The following PPM1E variants were observed in gnomAD, a reference collection of about 807,000 sequenced individuals.
The protein encoded by PPM1E is protein phosphatase 1E.
PPM1E carries 20 observed loss-of-function variants against 65.9 expected under a neutral mutation model. The observed-to-expected ratio is 0.30, with a 90% CI of 0.21 to 0.44. PPM1E has a LOEUF of 0.44. Among genes scored for constraint, PPM1E ranks in the 20% least tolerant of loss-of-function variants. The pLI, the probability that PPM1E is intolerant of heterozygous loss-of-function variation, is 1.00. For missense variants in PPM1E, 713 were observed against 953.1 expected, an observed-to-expected ratio of 0.75 and a Z score of 3.32; for synonymous variants, 352 against 374.9, an observed-to-expected ratio of 0.94 and a Z score of 0.70.
At chr17:58,969,428 A>G (rs1300900700) in intron 3 of PPM1E, 111 bp from the exon 4 acceptor site, 2 of 1,022,372 alleles carry the variant, frequency 2.0e-6, no homozygotes, top group Admixed American at 3.7e-5. Flanking sequence ...ATTATTCTGA[A>G]TGACAAATGC....
chr17:58,794,888 C>CTTTTTTT (rs35841208), intron 1 of PPM1E, among the ~76,000 whole-genome samples: 2 of 131,596 alleles, frequency 1.5e-5, no homozygotes, highest in Non-Finnish European at 3.3e-5. Context: ...GTACATGTGT[C>CTTTTTTT]TTTTTTTTTT....
At chr17:58,928,309 A>G (rs1332218226) in intron 1 of PPM1E, among the ~76,000 whole-genome samples, 3 of 152,108 alleles carry the variant, frequency 2.0e-5, no homozygotes, top group African/African-American at 7.2e-5. Flanking sequence ...GGAAAAATGT[A>G]CTAATCTAGC....
At chr17:58,972,088 CTA>C (rs1453643658) in intron 4 of PPM1E, 42 bp from the exon 5 acceptor site, 1 of 1,571,332 alleles carries the variant, frequency 6.4e-7, no homozygotes, top group Non-Finnish European at 8.7e-7. Context: ...AATGTAGTAT[CTA>C]TTTCTTTTCA....
At chr17:58,892,801 C>G (rs1384441376) in intron 1 of PPM1E, among the ~76,000 whole-genome samples, 1 of 151,996 alleles carries the variant, frequency 6.6e-6, no homozygotes, top group Non-Finnish European at 1.5e-5. Flanking sequence ...CACACTTTAC[C>G]AAAGAAGTAC....
intron 1 of PPM1E, among the ~76,000 whole-genome samples, chr17:58,951,874 T>C (rs2052244557): frequency 6.6e-6 from 1 of 152,178 alleles, no homozygotes; most frequent in Non-Finnish European, 1.5e-5. Flanking sequence ...TGGGGTTTGT[T>C]CCTGGAAAAT....
At chr17:58,964,628 CG>C (rs1346092496) in intron 2 of PPM1E, among the ~76,000 whole-genome samples, 1 of 152,086 alleles carries the variant, frequency 6.6e-6, no homozygotes, top group Non-Finnish European at 1.5e-5. Flanking sequence ...TAGGATCACA[CG>C]CATAGACAGA....
In PPM1E at chr17:58,982,890, TCA is replaced by T; in HGVS notation, c.*1860_*1861del. The stretch of plus-strand genomic sequence containing the variant: ...CTGAAGCCTAGATCTTGTTAACCCA[TCA>T]GGTGCAGTGTCAGTTTCAAATCAAA... On this transcript the variant is annotated 3_prime_UTR_variant, in exon 7 of 7. Transcript: ENST00000308249. The T allele has an allele frequency of 6.4e-7, 1 of 1,570,468 alleles. No individual in the cohort carries two copies. The highest frequency in any genetic ancestry group is 8.7e-7 in the Non-Finnish European group (1 of 1,155,590).
At chr17:58,884,231 T>C (rs1233672807) in intron 1 of PPM1E, among the ~76,000 whole-genome samples, 15 of 152,220 alleles carry the variant, frequency 9.9e-5, no homozygotes. Flanking sequence ...ATCCAATTTT[T>C]CTTATTTTAT....
intron 1 of PPM1E, among the ~76,000 whole-genome samples, chr17:58,878,561 A>G (rs1567861905): frequency 4.6e-5 from 7 of 150,952 alleles, no homozygotes; most frequent in Admixed American, 4.0e-4. Flanking sequence ...ATGATCATTT[A>G]AAAGCTAAGA....
chr17:58,834,208 G>A (rs868276230), intron 1 of PPM1E, among the ~76,000 whole-genome samples: 1 of 151,952 alleles, frequency 6.6e-6, no homozygotes, highest in Non-Finnish European at 1.5e-5. Context: ...AAATGGGATT[G>A]CATTGTTGAC....
At chr17:58,759,760 AG>A (rs1397160568) in intron 1 of PPM1E, among the ~76,000 whole-genome samples, 12 of 152,352 alleles carry the variant, frequency 7.9e-5, no homozygotes, top group African/African-American at 2.9e-4. Context: ...AGTAATAATG[AG>A]GGTGGACACT....
At chr17:58,808,853 T>A (rs1327165652) in intron 1 of PPM1E, among the ~76,000 whole-genome samples, 1 of 147,010 alleles carries the variant, frequency 6.8e-6, no homozygotes, top group African/African-American at 2.5e-5. Context: ...CCATGTAGTT[T>A]AAAAAAAAAA....
At chr17:58,931,107 C>T (rs2051891413) in intron 1 of PPM1E, among the ~76,000 whole-genome samples, 1 of 149,166 alleles carries the variant, frequency 6.7e-6, no homozygotes, top group Non-Finnish European at 1.5e-5. Flanking sequence ...AAGAAAAAAG[C>T]CGGGCGCGGT....
intron 1 of PPM1E, among the ~76,000 whole-genome samples, chr17:58,935,558 A>G (rs1421920881): frequency 1.3e-5 from 2 of 152,244 alleles, no homozygotes; most frequent in Non-Finnish European, 2.9e-5. Flanking sequence ...GAGCTGTTTC[A>G]GTAAAGATGT....
At chr17:58,828,124 C>T (rs1159796802) in intron 1 of PPM1E, among the ~76,000 whole-genome samples, 2 of 150,406 alleles carry the variant, frequency 1.3e-5, no homozygotes, top group Non-Finnish European at 3.0e-5. Context: ...GAGGCTGAGG[C>T]AGGAGAATCA....
At chr17:58,926,504 C>T (rs976729534) in intron 1 of PPM1E, among the ~76,000 whole-genome samples, 17 of 151,500 alleles carry the variant, frequency 1.1e-4, no homozygotes, top group Admixed American at 9.2e-4. Context: ...TATGTGTGTG[C>T]GTGTGTGTGT....
intron 1 of PPM1E, among the ~76,000 whole-genome samples, chr17:58,882,643 A>G (rs1383151579): frequency 6.6e-6 from 1 of 152,102 alleles, no homozygotes; most frequent in Non-Finnish European, 1.5e-5. Context: ...CGCTCACCTC[A>G]GCCTCCCAAA....
intron 1 of PPM1E, among the ~76,000 whole-genome samples, chr17:58,892,636 A>T (rs954309373): frequency 2.6e-5 from 4 of 152,158 alleles, no homozygotes; most frequent in African/African-American, 9.7e-5. Context: ...TGCAGAGGAC[A>T]CTGTCAGGAA....
chr17:58,781,139 CTTTTT>C (rs35359689), intron 1 of PPM1E, among the ~76,000 whole-genome samples: 2 of 123,116 alleles, frequency 1.6e-5, no homozygotes, highest in Non-Finnish European at 1.7e-5. Flanking sequence ...GTGCAGATGT[CTTTTT>C]TTTTTTTTTT....
Sources: allele counts gnomAD v4.1 joint callset (sites outside exome capture counted in the v4.1 genomes callset), GRCh38; gene constraint gnomAD v4.1.1; transcripts MANE v1.5; gene names NCBI Gene and HGNC (gene_info 2026-07-23, HGNC 2026-07-21).